The following CEACAM4 variants were observed in gnomAD, a reference collection of about 807,000 sequenced individuals.
CEACAM4 encodes cell adhesion molecule CEACAM4.
In CEACAM4, 30 loss-of-function variants were observed where a neutral mutation model predicts 28.7. The ratio of observed to expected loss-of-function variants is 1.05; its 90% CI spans 0.78 to 1.42. The LOEUF (loss-of-function observed/expected upper bound fraction) is 1.42, where lower values mean the gene tolerates loss of function less well. Ranked by LOEUF, CEACAM4 falls within the 40% of genes most tolerant of loss-of-function variation. The pLI is 0.00. For synonymous variants in CEACAM4, 143 were observed against 126.5 expected (o/e 1.13, Z -0.87); for missense variants, 330 against 308.2 (o/e 1.07, Z -0.53).
chr19:41,619,772 TGGAA>T (rs2071146572), intron 5 of CEACAM4, 61 bp from the exon 6 acceptor site: 1 of 1,394,680 alleles, frequency 7.2e-7, no homozygotes, highest in Non-Finnish European at 9.7e-7. Flanking sequence ...AAGCCCAGCC[TGGAA>T]GGTTCCTGTC....
intron 2 of CEACAM4, among the ~76,000 whole-genome samples, chr19:41,623,092 C>G (rs978994088): frequency 2.0e-5 from 3 of 152,212 alleles, no homozygotes; most frequent in Admixed American, 2.0e-4. Flanking sequence ...TCTAGGCTCA[C>G]CGCAACCTCC....
At chr19:41,620,463 C>T in intron 4 of CEACAM4, 112 bp downstream of exon 4, 1 of 973,574 alleles carries the variant, frequency 1.0e-6, no homozygotes, top group African/African-American at 1.7e-5. Flanking sequence ...TTCCTGACAT[C>T]CTCCTTGCAG....
At chr19:41,620,680 G>C in intron 3 of CEACAM4, 53 bp from the exon 4 acceptor site, 1 of 1,466,754 alleles carries the variant, frequency 6.8e-7, no homozygotes, top group South Asian at 1.1e-5. Flanking sequence ...CACAGGTTTA[G>C]GGGCAGAATA....
intron 2 of CEACAM4, among the ~76,000 whole-genome samples, chr19:41,623,368 C>A (rs1292514204): frequency 6.6e-6 from 1 of 151,624 alleles, no homozygotes; most frequent in African/African-American, 2.4e-5. Flanking sequence ...CCTGCCACAT[C>A]CCTGCCACAT....
intron 2 of CEACAM4, 143 bp downstream of exon 2, chr19:41,625,458 T>C: frequency 1.1e-6 from 1 of 923,422 alleles, no homozygotes; most frequent in Non-Finnish European, 1.7e-6. Context: ...TTACCTACCA[T>C]GTGTGTGTCC....
chr19:41,614,958 G>T (rs368825684), downstream of CEACAM4, among the ~76,000 whole-genome samples: 14 of 147,682 alleles, frequency 9.5e-5, no homozygotes, highest in East Asian at 2.8e-3. Context: ...GGGAGGGGAA[G>T]GGGGAGGGGA....
In CEACAM4 at chr19:41,627,048, C is replaced by A; in HGVS notation, c.-85G>T. The A allele has an allele frequency of 8.0e-7, 1 of 1,243,542 alleles. No individual in the cohort carries two copies. The highest frequency in any genetic ancestry group is 1.1e-6 in the Non-Finnish European group (1 of 897,332). 77.0% of individuals were successfully genotyped at this position (1,243,542 alleles called of 1,614,324 possible). A position where few individuals can be genotyped will look rare whatever the true frequency, so the allele number is the denominator to read the frequency against. ...CAGAGCTGCTGTGACTGTCGGCTGT[C>A]GGGGCTGCTGACCTTCCTCCTTCTG... On this transcript the variant is annotated 5_prime_UTR_variant, in exon 1 of 7. Transcript: ENST00000221954.
chr19:41,621,514 G>A, intron 3 of CEACAM4, 137 bp downstream of exon 3: 1 of 571,014 alleles, frequency 1.8e-6, no homozygotes, highest in Non-Finnish European at 3.2e-6. Context: ...GCTGGCAAGG[G>A]AGGAGCCATG....
chr19:41,626,809 G>A, intron 1 of CEACAM4, 91 bp downstream of exon 1: 7 of 1,144,450 alleles, frequency 6.1e-6, no homozygotes, highest in African/African-American at 1.6e-5. Context: ...GGAGACCCCA[G>A]CCAGAAGCCC....
chr19:41,621,275 C>T (rs985153945), intron 3 of CEACAM4, among the ~76,000 whole-genome samples: 10 of 152,114 alleles, frequency 6.6e-5, no homozygotes, highest in Non-Finnish European at 1.3e-4. Flanking sequence ...CCCAGGACCC[C>T]CACCATGGAT....
downstream of CEACAM4, among the ~76,000 whole-genome samples, chr19:41,615,351 C>G (rs1479995384): frequency 6.6e-6 from 1 of 151,624 alleles, no homozygotes; most frequent in Non-Finnish European, 1.5e-5. Context: ...GCTTACTGTC[C>G]CTAGGGGTGG....
In CEACAM4 at chr19:41,627,039, G is replaced by C; in HGVS notation, c.-76C>G. 1 of 1,311,950 alleles carries C rather than the reference G, an allele frequency of 7.6e-7. No homozygotes were observed. Among genetic ancestry groups the C allele is most frequent in the Non-Finnish European group, 1.0e-6 (1 of 954,928 alleles). 81.3% of individuals were successfully genotyped at this position (1,311,950 alleles called of 1,614,324 possible). A position where few individuals can be genotyped will look rare whatever the true frequency, so the allele number is the denominator to read the frequency against. On this transcript the variant is annotated 5_prime_UTR_variant, in exon 1 of 7. Transcript: ENST00000221954. The stretch of plus-strand genomic sequence containing the variant: ...CGCTCTTGTCAGAGCTGCTGTGACT[G>C]TCGGCTGTCGGGGCTGCTGACCTTC...
rs782677805 is a variant in CEACAM4 at position 41,625,733 on chromosome 19, G to A, written c.292C>T (p.Arg98Ter). ...ANIPGAAYSG[R>*]ETVYPNGSLL... ...GATCCATTGGGGTATACTGTCTCTC[G>A]ACCACTGTATGCGGCCCCTGGGATA... The change falls in exon 2 of 7, where the codon CGA becomes TGA. Residue 98 changes from arginine (R) to a stop codon, truncating the protein, a stop_gained. Coordinates refer to ENST00000221954, the MANE Select transcript of CEACAM4 (RefSeq NM_001817.4). LOFTEE classifies it high-confidence loss of function. The A allele has an allele frequency of 6.8e-5, 109 of 1,613,862 alleles. No homozygotes were observed. Among genetic ancestry groups the A allele is most frequent in the East Asian group, 2.7e-4 (12 of 44,862 alleles).
chr19:41,624,650 G>A (rs782205539), intron 2 of CEACAM4, among the ~76,000 whole-genome samples: 21 of 152,204 alleles, frequency 1.4e-4, no homozygotes, highest in Non-Finnish European at 2.5e-4. Flanking sequence ...AGGAGAGGAC[G>A]TGGCAGCAGC....
chr19:41,624,831 A>G (rs1444472707), intron 2 of CEACAM4, among the ~76,000 whole-genome samples: 1 of 152,208 alleles, frequency 6.6e-6, no homozygotes, highest in Non-Finnish European at 1.5e-5. Flanking sequence ...ATCTGACATG[A>G]AGCTTGGCAC....
chr19:41,624,432 GA>G (rs2071508821), intron 2 of CEACAM4, among the ~76,000 whole-genome samples: 1 of 152,182 alleles, frequency 6.6e-6, no homozygotes, highest in Non-Finnish European at 1.5e-5. Flanking sequence ...GCGGGGTGTG[GA>G]CCTGAGCGAG....
At chr19:41,620,067 A>G in intron 5 of CEACAM4, 144 bp downstream of exon 5, 1 of 752,328 alleles carries the variant, frequency 1.3e-6, no homozygotes, top group Non-Finnish European at 2.0e-6. Context: ...AGAGGCCCGG[A>G]TCCTGGCCGG....
downstream of CEACAM4, among the ~76,000 whole-genome samples, chr19:41,614,142 A>G (rs1413409811): frequency 1.3e-5 from 2 of 152,040 alleles, no homozygotes; most frequent in African/African-American, 2.4e-5. Flanking sequence ...ATGATCTTTT[A>G]CCCACACCCC....
Position 41,625,584 on chromosome 19 carries a change from A to G in CEACAM4, c.424+17T>C. 4 of 1,556,992 alleles carry G rather than the reference A, an allele frequency of 2.6e-6. No individual in the cohort carries two copies. The highest frequency in any genetic ancestry group is 3.5e-6 in the Non-Finnish European group (4 of 1,150,598). ...GAACTGACCGCCAGCACCCAGAGGT[A>G]TGGGGGAATCACTCACGGTGTACGT... is the stretch of plus-strand genomic sequence containing the variant. On this transcript the variant is annotated intron_variant, in intron 2 of 6. Coordinates refer to ENST00000221954, the MANE Select transcript of CEACAM4 (RefSeq NM_001817.4).
Sources: gnomAD v4.1 joint callset for allele counts (sites outside exome capture counted in the v4.1 genomes callset) on GRCh38, gnomAD v4.1.1 for gene constraint, MANE v1.5 for transcripts, NCBI Gene and HGNC (gene_info 2026-07-23, HGNC 2026-07-21) for gene names.